The following ITGAM variants were observed in gnomAD, a reference collection of about 807,000 sequenced individuals.
ITGAM encodes integrin alpha-M.
ITGAM carries 79 observed loss-of-function variants against 137.5 expected under a neutral mutation model. The ratio of observed to expected loss-of-function variants is 0.57; its 90% confidence interval spans 0.48 to 0.69. The LOEUF is 0.69. ITGAM is among the 30% of genes least tolerant of loss of function. The probability of loss-of-function intolerance (pLI) is 0.00; values close to 1 mark genes in which losing one functional copy is unlikely to be tolerated. For synonymous variants in ITGAM, 583 were observed against 592.3 expected (o/e 0.98, Z 0.23); for missense variants, 1,343 against 1,483.5 (o/e 0.91, Z 1.56).
chr16:31,264,296 A>G (rs982699819), intron 2 of ITGAM, among the ~76,000 whole-genome samples: 1 of 151,954 alleles, frequency 6.6e-6, no homozygotes, highest in African/African-American at 2.4e-5. Flanking sequence ...AAAATACACA[A>G]ATTAGCCAAG....
At chr16:31,300,049 T>G (rs1467545378) in intron 14 of ITGAM, among the ~76,000 whole-genome samples, 1 of 152,054 alleles carries the variant, frequency 6.6e-6, no homozygotes, top group Admixed American at 6.6e-5. Context: ...TTTGTAGAGA[T>G]GGGGTCTCCC....
chr16:31,265,516 C>G lies in ITGAM; in HGVS notation c.238+18C>G. On this transcript the variant is annotated intron_variant, in intron 3 of 29. Coordinates refer to ENST00000544665, the MANE Select transcript of ITGAM (RefSeq NM_000632.4). ...CCTGCAGGGTGAGTCACTGCCCCGC[C>G]GGGCTGGGACTGGGATTCCCCTGTG... 6.6e-7 allele frequency: 1 copy of G among 1,510,790 alleles called. No homozygotes were observed. The highest frequency in any genetic ancestry group is 9.1e-7 in the Non-Finnish European group (1 of 1,104,126). The allele number at this position is 1,510,790 out of a possible 1,614,324, so 93.6% of individuals were successfully genotyped here.
chr16:31,291,116 A>G (rs961547084), intron 12 of ITGAM, among the ~76,000 whole-genome samples: 6 of 152,204 alleles, frequency 3.9e-5, no homozygotes, highest in African/African-American at 2.4e-5. Context: ...TTCGAATATT[A>G]TAGTTCCAAT....
chr16:31,298,058 T>G, intron 14 of ITGAM, 104 bp downstream of exon 14: 4 of 910,646 alleles, frequency 4.4e-6, no homozygotes, highest in Non-Finnish European at 6.9e-6. Context: ...CAGTACTCCT[T>G]TCAGAACCTT....
At position 31,329,809 on chromosome 16, in the gene ITGAM, G is replaced by A; in HGVS notation, c.2880G>A (p.Leu960=). 6 of 1,556,020 alleles carry A rather than the reference G, an allele frequency of 3.9e-6. No individual in the cohort carries two copies. The highest frequency in any genetic ancestry group is 5.2e-6 in the Non-Finnish European group (6 of 1,149,758). Reference sequence around the variant, plus strand: ...CCTCCCCGGTGCAGGTCAGCAACCTGGGGCAGAGGAGCCTCCCCATCAGCC... The same window carrying A: ...CCTCCCCGGTGCAGGTCAGCAACCTAGGGCAGAGGAGCCTCCCCATCAGCC... The part of the protein sequence containing the change: ...VMQHQYQVSN[L]GQRSLPISLV... Residue 960 remains leucine (L), a synonymous_variant, in exon 25 of 30, where the codon CTG becomes CTA. Coordinates refer to ENST00000544665, the MANE Select transcript of ITGAM (RefSeq NM_000632.4).
chr16:31,277,652 C>G (rs1384920979), intron 11 of ITGAM, among the ~76,000 whole-genome samples: 1 of 152,058 alleles, frequency 6.6e-6, no homozygotes, highest in Non-Finnish European at 1.5e-5. Context: ...GCCACCGTGC[C>G]TGGTCTTTTT....
At chr16:31,281,771 G>A (rs974477658) in intron 12 of ITGAM, among the ~76,000 whole-genome samples, 5 of 152,098 alleles carry the variant, frequency 3.3e-5, no homozygotes, top group African/African-American at 1.2e-4. Context: ...GCTTTTGAAT[G>A]TGTTTGCTCT....
At chr16:31,277,147 T>C (rs1314601082) in intron 11 of ITGAM, 98 bp downstream of exon 11, 3 of 1,042,340 alleles carry the variant, frequency 2.9e-6, no homozygotes, top group Non-Finnish European at 2.7e-6. Context: ...GGGATACATA[T>C]GTATGGGATA....
At chr16:31,290,177 C>T (rs1464970809) in intron 12 of ITGAM, among the ~76,000 whole-genome samples, 1 of 151,226 alleles carries the variant, frequency 6.6e-6, no homozygotes, top group Non-Finnish European at 1.5e-5. Context: ...CTGGAGGGTT[C>T]ACACTTTCCA....
chr16:31,293,294 G>A (rs2080104313), intron 12 of ITGAM, among the ~76,000 whole-genome samples: 1 of 152,052 alleles, frequency 6.6e-6, no homozygotes, highest in Non-Finnish European at 1.5e-5. Flanking sequence ...ATTGCTTTTT[G>A]TGTCTTTGTC....
intron 14 of ITGAM, among the ~76,000 whole-genome samples, chr16:31,307,602 A>G (rs1344876750): frequency 6.6e-6 from 1 of 152,168 alleles, no homozygotes; most frequent in African/African-American, 2.4e-5. Flanking sequence ...AACAGGGACA[A>G]TTTGACTTCC....
intron 8 of ITGAM, among the ~76,000 whole-genome samples, chr16:31,274,586 T>A (rs2079885400): frequency 6.9e-6 from 1 of 145,088 alleles, no homozygotes; most frequent in Admixed American, 6.7e-5. Context: ...GGATGTAGTC[T>A]TTATTTGTTT....
At chr16:31,321,661 A>G (rs1180313624) in intron 16 of ITGAM, 34 bp downstream of exon 16, 2 of 1,601,352 alleles carry the variant, frequency 1.2e-6, no homozygotes, top group Non-Finnish European at 1.7e-6. Flanking sequence ...AAGAGGTTAA[A>G]CGACCGAGGA....
chr16:31,281,299 A>G (rs58324356), intron 12 of ITGAM, among the ~76,000 whole-genome samples: 4,935 of 152,202 alleles, frequency 0.032, 292 homozygotes, highest in African/African-American at 0.11. Context: ...GAATGGTACC[A>G]TCTCCTCCTT....
intron 14 of ITGAM, among the ~76,000 whole-genome samples, chr16:31,306,592 C>T (rs571288126): frequency 1.3e-5 from 2 of 151,758 alleles, no homozygotes; most frequent in Admixed American, 6.6e-5. Context: ...TGGCTTACTG[C>T]AACCTCTGCC....
At chr16:31,273,690 C>T in intron 8 of ITGAM, 172 bp downstream of exon 8, 1 of 604,204 alleles carries the variant, frequency 1.7e-6, no homozygotes, top group Non-Finnish European at 2.7e-6. Context: ...ATAAACTATC[C>T]CAAAATTCAG....
rs1597017401 is a variant in ITGAM at position 31,305,314 on chromosome 16, C to T, written c.1707+7360C>T. Reference sequence around the variant, plus strand: ...GATTTGCATACATTGATTTTGTAACCTGAGACTACTGAAATTGTTTATCAG... The same window carrying T: ...GATTTGCATACATTGATTTTGTAACTTGAGACTACTGAAATTGTTTATCAG... On this transcript the variant is annotated intron_variant, in intron 14 of 29. Coordinates refer to ENST00000544665, the MANE Select transcript of ITGAM (RefSeq NM_000632.4). Among the ~76,000 whole-genome samples the T allele has an allele frequency of 2.0e-5, 3 of 152,176 alleles. 1 individual carries two copies. The highest frequency in any genetic ancestry group is 2.0e-4 in the Admixed American group (3 of 15,290).
rs1415265215 is a variant in ITGAM, at chr16:31,270,972, G to T, written c.446G>T (p.Ser149Ile). The change falls in exon 6 of 30, where the codon AGT (serine) becomes ATT (isoleucine). Residue 149 changes from serine to isoleucine, a missense_variant. Ser to Ile is a moderately radical substitution (Grantham distance 142). Coordinates refer to ENST00000544665, the MANE Select transcript of ITGAM (RefSeq NM_000632.4). ...EALRGCPQED[S>I]DIAFLIDGSG... ...TCCCCAGGGTGTCCTCAAGAGGATAGTGACATTGCCTTCTTGATTGATGGC... is the reference window on the plus strand; with the variant it reads ...TCCCCAGGGTGTCCTCAAGAGGATATTGACATTGCCTTCTTGATTGATGGC... The T allele has an allele frequency of 2.5e-6, 4 of 1,573,776 alleles. No individual in the cohort carries two copies. Among genetic ancestry groups the T allele is most frequent in the East Asian group, 2.3e-5 (1 of 43,112 alleles).
At chr16:31,309,487 T>C (rs1157359702) in intron 14 of ITGAM, among the ~76,000 whole-genome samples, 1 of 148,346 alleles carries the variant, frequency 6.7e-6, no homozygotes, top group South Asian at 2.2e-4. Context: ...CTGCCTTTTT[T>C]TGTTTTCCAT....
Sources: allele counts gnomAD v4.1 joint callset (sites outside exome capture counted in the v4.1 genomes callset), GRCh38; gene constraint gnomAD v4.1.1; transcripts MANE v1.5; gene names NCBI Gene and HGNC (gene_info 2026-07-23, HGNC 2026-07-21).